The following ORC3 variants were observed in gnomAD, a reference collection of about 807,000 sequenced individuals.
The protein encoded by ORC3 is homolog of latheo, Drosophila.
In ORC3, 78 loss-of-function variants were observed where a neutral mutation model predicts 100.7. The ratio of observed to expected loss-of-function variants is 0.77; its 90% CI spans 0.65 to 0.94. The LOEUF (loss-of-function observed/expected upper bound fraction) is 0.94. ORC3 is among the 40% of genes least tolerant of loss of function. The pLI, the probability that ORC3 is intolerant of heterozygous loss-of-function variation, is 0.00. For synonymous variants in ORC3, 295 were observed against 289.3 expected, an observed-to-expected ratio of 1.02 and a Z score of -0.20; for missense variants, 789 against 823.9, an observed-to-expected ratio of 0.96 and a Z score of 0.52.
intron 9 of ORC3, among the ~76,000 whole-genome samples, chr6:87,618,692 G>C (rs989759187): frequency 6.6e-6 from 1 of 151,908 alleles, no homozygotes; most frequent in Non-Finnish European, 1.5e-5. Context: ...AATGGTAGTG[G>C]AACTGGAGAG....
At chr6:87,648,885 A>C (rs1769019524) in intron 13 of ORC3, among the ~76,000 whole-genome samples, 1 of 152,234 alleles carries the variant, frequency 6.6e-6, no homozygotes, top group African/African-American at 2.4e-5. Context: ...GAGCAGTGGT[A>C]AGTCTGTGTA....
chr6:87,656,523 G>A (rs1171788852), intron 14 of ORC3, among the ~76,000 whole-genome samples: 2 of 152,076 alleles, frequency 1.3e-5, no homozygotes, highest in Non-Finnish European at 2.9e-5. Flanking sequence ...GGAGGAGGAG[G>A]TTGCAGTGAG....
At chr6:87,673,662 G>A in the ORC3 span, among the ~76,000 whole-genome samples, 98 of 152,160 alleles carry the variant, frequency 6.4e-4, 1 homozygote, top group Admixed American at 4.6e-3. Context: ...CCAACATGGT[G>A]AAACCCCGTC....
At chr6:87,597,678 TATACACACACACAC>T (rs1051965595) in intron 2 of ORC3, among the ~76,000 whole-genome samples, 1 of 136,666 alleles carries the variant, frequency 7.3e-6, no homozygotes, top group African/African-American at 3.0e-5. Flanking sequence ...GATATATATA[TATACACACACACAC>T]ACACACACAC....
intron 13 of ORC3, among the ~76,000 whole-genome samples, chr6:87,648,808 A>T (rs1232916267): frequency 6.6e-6 from 1 of 152,184 alleles, no homozygotes; most frequent in Non-Finnish European, 1.5e-5. Flanking sequence ...CTTTTTATTT[A>T]ATCAGACCCT....
chr6:87,671,816 T>C (rs1770838808), downstream of ORC3, among the ~76,000 whole-genome samples: 1 of 152,158 alleles, frequency 6.6e-6, no homozygotes, highest in African/African-American at 2.4e-5. Context: ...TAATCACCTA[T>C]CAGATGACCT....
intron 3 of ORC3, among the ~76,000 whole-genome samples, chr6:87,602,091 G>A (rs1349599905): frequency 1.3e-5 from 2 of 152,080 alleles, no homozygotes; most frequent in Non-Finnish European, 2.9e-5. Flanking sequence ...AACTAGCTGG[G>A]CATGGTGGTG....
At chr6:87,635,309 TG>T (rs1277964796) in intron 12 of ORC3, among the ~76,000 whole-genome samples, 4 of 152,210 alleles carry the variant, frequency 2.6e-5, no homozygotes, top group African/African-American at 9.6e-5. Flanking sequence ...TGAGAATGCT[TG>T]ATGGTTAACC....
Position 87,590,195 on chromosome 6 carries a change from A to C in ORC3, c.24+3A>C, listed in dbSNP as rs750032137. ...TGGCTACGTCCTCGATGTCTAAGGT[A>C]TGTGGTGGCCGATGCGCACTGTGGC... On this transcript the variant is annotated splice_donor_region_variant and intron_variant, in intron 1 of 19. Coordinates refer to ENST00000392844, the MANE Select transcript of ORC3 (RefSeq NM_012381.4). 16 of 1,613,744 alleles carry C rather than the reference A, an allele frequency of 9.9e-6. No individual in the cohort carries two copies. Among genetic ancestry groups the C allele is most frequent in the Admixed American group, 8.3e-5 (5 of 60,006 alleles).
intron 4 of ORC3, among the ~76,000 whole-genome samples, chr6:87,605,183 TTA>T (rs1377829898): frequency 6.6e-6 from 1 of 152,190 alleles, no homozygotes; most frequent in African/African-American, 2.4e-5. Context: ...TTTAAAATTT[TTA>T]TAGAGACAGG....
intron 13 of ORC3, among the ~76,000 whole-genome samples, chr6:87,638,280 G>A (rs1170262939): frequency 6.6e-6 from 1 of 152,184 alleles, no homozygotes; most frequent in Non-Finnish European, 1.5e-5. Flanking sequence ...GAACCTCTGG[G>A]CTGGAATCAG....
intron 11 of ORC3, among the ~76,000 whole-genome samples, chr6:87,629,110 T>G (rs552145169): frequency 6.6e-6 from 1 of 152,342 alleles, no homozygotes; most frequent in South Asian, 2.1e-4. Context: ...TCTTATTAGA[T>G]AGCAGTAATA....
intron 11 of ORC3, among the ~76,000 whole-genome samples, chr6:87,624,440 T>C (rs1422357017): frequency 1.3e-5 from 2 of 152,146 alleles, no homozygotes; most frequent in Non-Finnish European, 2.9e-5. Context: ...GCCAAGATCA[T>C]GCCCTAGCGT....
chr6:87,638,851 A>G (rs1768011855), intron 13 of ORC3, among the ~76,000 whole-genome samples: 1 of 152,088 alleles, frequency 6.6e-6, no homozygotes, highest in African/African-American at 2.4e-5. Context: ...TTAAGTGTTA[A>G]GTACTTATAT....
chr6:87,644,322 GA>G (rs1468309092), intron 13 of ORC3, among the ~76,000 whole-genome samples: 2 of 151,026 alleles, frequency 1.3e-5, no homozygotes, highest in African/African-American at 2.4e-5. Context: ...TCGATCTCCT[GA>G]CCTCGTGATC....
chr6:87,659,619 C>T (rs1426466222), intron 16 of ORC3, among the ~76,000 whole-genome samples: 1 of 152,004 alleles, frequency 6.6e-6, no homozygotes, highest in Admixed American at 6.5e-5. Context: ...CATTGGCTCA[C>T]GCCTGTAATC....
chr6:87,605,025 G>A (rs529888380), intron 4 of ORC3, among the ~76,000 whole-genome samples: 1 of 152,128 alleles, frequency 6.6e-6, no homozygotes, highest in Non-Finnish European at 1.5e-5. Context: ...TGTTAGGGAA[G>A]ATACCAGTTA....
chr6:87,606,778 T>G (rs570227106), intron 5 of ORC3, among the ~76,000 whole-genome samples: 1 of 152,266 alleles, frequency 6.6e-6, no homozygotes, highest in African/African-American at 2.4e-5. Flanking sequence ...GGTCTTGAAC[T>G]CCTGGGCTCA....
At chr6:87,675,476 C>G in the ORC3 span, 6 of 1,421,504 alleles carry the variant, frequency 4.2e-6, no homozygotes, top group Admixed American at 3.7e-5. Context: ...TTGCCACTGA[C>G]GAAAGCTTGA....
Sources: allele counts gnomAD v4.1 joint callset (sites outside exome capture counted in the v4.1 genomes callset), GRCh38; gene constraint gnomAD v4.1.1; transcripts MANE v1.5; gene names NCBI Gene and HGNC (gene_info 2026-07-23, HGNC 2026-07-21).